CSMD1: variants seen among roughly 807,000 people sequenced by gnomAD.
The protein encoded by CSMD1 is CUB and sushi domain-containing protein 1.
A neutral mutation model predicts 417.5 loss-of-function variants in CSMD1; 213 were observed. The ratio of observed to expected loss-of-function variants is 0.51; its 90% CI spans 0.46 to 0.57. The LOEUF (loss-of-function observed/expected upper bound fraction) is 0.57, where lower values mean the gene tolerates loss of function less well. Ranked by LOEUF, CSMD1 falls within the 20% of genes least tolerant of loss-of-function variation. CSMD1 has a pLI of 0.00. For synonymous variants in CSMD1, 2,862 were observed against 1,736.8 expected (o/e 1.65, Z -16.11); for missense variants, 6,923 against 4,529.7 (o/e 1.53, Z -15.17).
At chr8:4,251,782 GAGATGGAGGAGGAA>G (rs1459854962) in intron 3 of CSMD1, among the ~76,000 whole-genome samples, 4 of 151,506 alleles carry the variant, frequency 2.6e-5, no homozygotes, top group Non-Finnish European at 4.4e-5. Flanking sequence ...CAGGGATGGA[GAGATGGAGGAGGAA>G]AGATGGAGAA....
intron 2 of CSMD1, among the ~76,000 whole-genome samples, chr8:4,566,671 A>G (rs1424571844): frequency 6.6e-6 from 1 of 151,338 alleles, no homozygotes; most frequent in Non-Finnish European, 1.5e-5. Flanking sequence ...AAAAAAAAAA[A>G]AAAAAAAGAA....
chr8:3,108,521 T>A, intron 44 of CSMD1, 82 bp downstream of exon 44: 1 of 1,424,664 alleles, frequency 7.0e-7, no homozygotes, highest in Non-Finnish European at 9.6e-7. Context: ...AAACTTCAGC[T>A]GGAAACAAGG....
chr8:3,172,098 A>C (rs1224774026), intron 37 of CSMD1, among the ~76,000 whole-genome samples: 1 of 152,240 alleles, frequency 6.6e-6, no homozygotes, highest in East Asian at 1.9e-4. Flanking sequence ...TCTCAGAACC[A>C]TGTAAAATCA....
intron 7 of CSMD1, among the ~76,000 whole-genome samples, chr8:3,682,077 T>C (rs564389686): frequency 4.3e-4 from 65 of 152,068 alleles, no homozygotes; most frequent in African/African-American, 1.4e-3. Flanking sequence ...AGACCTAAAA[T>C]CGTAAAAACC....
chr8:4,144,489 G>A (rs562111544), intron 3 of CSMD1, among the ~76,000 whole-genome samples: 2 of 151,150 alleles, frequency 1.3e-5, no homozygotes, highest in East Asian at 1.9e-4. Flanking sequence ...ATGGATATCC[G>A]CTTGAGGGCT....
At chr8:3,385,032 T>A (rs60137209) in intron 18 of CSMD1, among the ~76,000 whole-genome samples, 5 of 84,670 alleles carry the variant, frequency 5.9e-5, no homozygotes, top group African/African-American at 9.4e-5. Flanking sequence ...ATAAATATAA[T>A]ATATATAATA....
At chr8:3,031,184 T>C (rs763231238) in intron 50 of CSMD1, among the ~76,000 whole-genome samples, 3 of 151,914 alleles carry the variant, frequency 2.0e-5, no homozygotes, top group Non-Finnish European at 2.9e-5. Flanking sequence ...TGAATCTGAC[T>C]GCATATTTCA....
rs147963569 is a variant in CSMD1 at position 4,734,491 on chromosome 8, G to T, written c.86-96933C>A. ...TTTCTTGTGTGGCCAGAAGCTCTAA[G>T]ATTTTTTTATTTCTACAAAATAATA... On this transcript the variant is annotated intron_variant, in intron 1 of 69. Coordinates refer to ENST00000635120, the MANE Select transcript of CSMD1 (RefSeq NM_033225.6). 2.2e-3 allele frequency among the ~76,000 whole-genome samples: 341 copies of T among 152,200 alleles called. 2 individuals are homozygous for T. The highest frequency in any genetic ancestry group is 7.8e-3 in the African/African-American group (322 of 41,532).
chr8:4,320,878 C>G (rs1269633216), intron 3 of CSMD1, among the ~76,000 whole-genome samples: 1 of 152,144 alleles, frequency 6.6e-6, no homozygotes, highest in African/African-American at 2.4e-5. Flanking sequence ...GACACAAACA[C>G]ACTTATGTTT....
At chr8:4,837,246 C>A (rs1238793185) in intron 1 of CSMD1, among the ~76,000 whole-genome samples, 1 of 148,328 alleles carries the variant, frequency 6.7e-6, no homozygotes, top group Non-Finnish European at 1.5e-5. Flanking sequence ...TCTAGTTGGG[C>A]ATATACCCCC....
chr8:4,321,827 G>A (rs1019904027), intron 3 of CSMD1, among the ~76,000 whole-genome samples: 6 of 151,980 alleles, frequency 3.9e-5, no homozygotes, highest in African/African-American at 1.4e-4. Context: ...TTTTGGTAGT[G>A]TAGTTACACT....
intron 3 of CSMD1, among the ~76,000 whole-genome samples, chr8:4,191,304 G>T (rs551682490): frequency 6.6e-6 from 1 of 152,244 alleles, no homozygotes; most frequent in East Asian, 1.9e-4. Flanking sequence ...GCTGAGGCAG[G>T]AGAATGGCGT....
intron 2 of CSMD1, among the ~76,000 whole-genome samples, chr8:4,422,253 G>C (rs753022736): frequency 6.6e-6 from 1 of 152,052 alleles, no homozygotes; most frequent in South Asian, 2.1e-4. Flanking sequence ...CTTCCAGAAA[G>C]TGTAAGTGGA....
chr8:4,488,546 A>C (rs1801533651), intron 2 of CSMD1, among the ~76,000 whole-genome samples: 1 of 152,122 alleles, frequency 6.6e-6, no homozygotes, highest in African/African-American at 2.4e-5. Context: ...AAACTGGTGG[A>C]GTCGGCAGCA....
intron 22 of CSMD1, among the ~76,000 whole-genome samples, chr8:3,343,798 A>G (rs1807813469): frequency 6.6e-6 from 1 of 152,158 alleles, no homozygotes; most frequent in African/African-American, 2.4e-5. Flanking sequence ...GTTCAGTTAT[A>G]AAAGTAAAAA....
chr8:4,485,359 C>G (rs762236925), intron 2 of CSMD1, among the ~76,000 whole-genome samples: 10 of 152,176 alleles, frequency 6.6e-5, no homozygotes, highest in Non-Finnish European at 1.2e-4. Context: ...TTGTCTTTCA[C>G]TTGAGTTAAC....
chr8:4,222,591 G>C (rs568962355), intron 3 of CSMD1, among the ~76,000 whole-genome samples: 5 of 152,174 alleles, frequency 3.3e-5, no homozygotes, highest in Non-Finnish European at 5.9e-5. Flanking sequence ...AAATCTGATT[G>C]TCCGAAGCCT....
intron 5 of CSMD1, among the ~76,000 whole-genome samples, chr8:3,837,176 G>C (rs992023992): frequency 1.3e-5 from 2 of 151,918 alleles, no homozygotes; most frequent in Non-Finnish European, 2.9e-5. Flanking sequence ...GTTCACATCA[G>C]TTTCACAGTC....
rs141153280 is a variant in CSMD1, at chr8:3,663,099, C to A, written c.1009+45315G>T. 7.3e-4 allele frequency among the ~76,000 whole-genome samples: 111 copies of A among 152,074 alleles called. 1 individual carries two copies. The South Asian group carries it at 0.017, about 23-fold the overall frequency. ...AAAATCAGAGCCCCACAGAACTGCCCGCAATGAAGACCTGAAGCAGTGGGG... is the reference window on the plus strand; with the variant it reads ...AAAATCAGAGCCCCACAGAACTGCCAGCAATGAAGACCTGAAGCAGTGGGG... On this transcript the variant is annotated intron_variant, in intron 7 of 69. Transcript: ENST00000635120.
Sources: gnomAD v4.1 joint callset for allele counts (sites outside exome capture counted in the v4.1 genomes callset) on GRCh38, gnomAD v4.1.1 for gene constraint, MANE v1.5 for transcripts, NCBI Gene and HGNC (gene_info 2026-07-23, HGNC 2026-07-21) for gene names.